RAD51B: variants seen among roughly 807,000 people sequenced by gnomAD.
RAD51B encodes DNA repair protein RAD51 homolog 2.
A neutral mutation model predicts 42.2 loss-of-function variants in RAD51B; 38 were observed. That is an observed-to-expected ratio of 0.90 (90% confidence interval 0.70 to 1.18). RAD51B has a LOEUF of 1.18. Ranked by LOEUF, RAD51B falls within the 50% of genes most tolerant of loss-of-function variation. The pLI is 0.00. For synonymous variants in RAD51B, 154 were observed against 145.2 expected, an observed-to-expected ratio of 1.06 and a Z score of -0.43; for missense variants, 373 against 400.7, an observed-to-expected ratio of 0.93 and a Z score of 0.59.
intron 9 of RAD51B, chr14:68,421,686 C>T (rs2084704420): frequency 8.9e-6 from 14 of 1,565,958 alleles, no homozygotes; most frequent in Non-Finnish European, 1.2e-5. Flanking sequence ...TAAGATAAAA[C>T]ACAAGTCAAA....
chr14:68,255,210 G>GA (rs1359825767), intron 7 of RAD51B, among the ~76,000 whole-genome samples: 1 of 151,604 alleles, frequency 6.6e-6, no homozygotes, highest in Non-Finnish European at 1.5e-5. Flanking sequence ...ACTATTTTCA[G>GA]AAAACTTTTT....
chr14:67,855,306 A>C (rs747255593), intron 4 of RAD51B, among the ~76,000 whole-genome samples: 2 of 151,624 alleles, frequency 1.3e-5, no homozygotes, highest in Non-Finnish European at 2.9e-5. Flanking sequence ...TCTCGGCTCA[A>C]TGTAAGCTCC....
At position 68,116,268 on chromosome 14, in the gene RAD51B, A is replaced by C. The variant is rs537024891; in HGVS notation, c.757-175616A>C. ...AACTGCAAGACTAACAGTAAGACCA[A>C]CATGCTTTGTGATTTTATTTGCTGA... On this transcript the variant is annotated intron_variant, in intron 7 of 10. Transcript: ENST00000471583. Among the ~76,000 whole-genome samples the C allele has an allele frequency of 2.0e-5, 3 of 151,632 alleles. No individual in the cohort carries two copies. In the East Asian group the frequency reaches 5.8e-4, roughly 29 times the overall value.
intron 7 of RAD51B, among the ~76,000 whole-genome samples, chr14:68,164,657 A>G (rs554936162): frequency 2.2e-4 from 34 of 152,292 alleles, no homozygotes; most frequent in Non-Finnish European, 4.6e-4. Flanking sequence ...TGAAGTGGGA[A>G]AACAGCTTTG....
At chr14:68,493,426 T>C (rs1257671117) in intron 10 of RAD51B, among the ~76,000 whole-genome samples, 1 of 152,074 alleles carries the variant, frequency 6.6e-6, no homozygotes, top group Admixed American at 6.5e-5. Flanking sequence ...TTCATGTAGT[T>C]AGAATTCCCC....
chr14:68,292,184 A>T (rs1273994840), intron 8 of RAD51B, among the ~76,000 whole-genome samples: 4 of 152,114 alleles, frequency 2.6e-5, no homozygotes, highest in African/African-American at 9.7e-5. Flanking sequence ...TCTATAAGGG[A>T]GCTCCATTTG....
chr14:68,598,591 G>A (rs190703577), downstream of RAD51B, among the ~76,000 whole-genome samples: 347 of 152,326 alleles, frequency 2.3e-3, 2 homozygotes, highest in African/African-American at 6.8e-3. Flanking sequence ...CACCGGGACT[G>A]TGTTGAGACC....
At chr14:68,472,121 T>A (rs532866046) in intron 10 of RAD51B, 1 of 152,338 alleles carries the variant, frequency 6.6e-6, no homozygotes, top group African/African-American at 2.4e-5. Flanking sequence ...AGTGGAGAGG[T>A]AAGAGCAGGA....
At chr14:68,593,655 G>C (rs966406584) in intron 10 of RAD51B, among the ~76,000 whole-genome samples, 1 of 152,192 alleles carries the variant, frequency 6.6e-6, no homozygotes, top group Non-Finnish European at 1.5e-5. Flanking sequence ...CTGGCTGAAA[G>C]TGGGGAATGT....
chr14:68,500,435 T>C (rs1368764257), intron 10 of RAD51B, among the ~76,000 whole-genome samples: 2 of 152,204 alleles, frequency 1.3e-5, no homozygotes, highest in Non-Finnish European at 2.9e-5. Context: ...GCCACAGTAT[T>C]ACAGAAGGCT....
intron 7 of RAD51B, among the ~76,000 whole-genome samples, chr14:68,094,041 TA>T (rs1296969507): frequency 1.3e-5 from 2 of 152,226 alleles, no homozygotes; most frequent in African/African-American, 4.8e-5. Flanking sequence ...TTTTCCAAAC[TA>T]ATGGGTGTAA....
chr14:68,092,869 G>A (rs1203714098), intron 7 of RAD51B, among the ~76,000 whole-genome samples: 5 of 151,624 alleles, frequency 3.3e-5, no homozygotes, highest in South Asian at 4.2e-4. Flanking sequence ...TTTGAGATAC[G>A]TCCCATCAAT....
chr14:68,385,095 C>T (rs529058145), intron 8 of RAD51B, among the ~76,000 whole-genome samples: 1 of 151,974 alleles, frequency 6.6e-6, no homozygotes. Flanking sequence ...TTAGTTCGGA[C>T]ACCACATTGT....
chr14:67,979,519 G>T (rs1478317324), intron 7 of RAD51B, among the ~76,000 whole-genome samples: 1 of 152,000 alleles, frequency 6.6e-6, no homozygotes, highest in African/African-American at 2.4e-5. Flanking sequence ...GTGCTACTAG[G>T]ATAATCTTTC....
chr14:67,929,707 G>A (rs1459143325), intron 7 of RAD51B, among the ~76,000 whole-genome samples: 2 of 151,900 alleles, frequency 1.3e-5, no homozygotes, highest in African/African-American at 4.8e-5. Context: ...ATTAGAGCCT[G>A]TCTTTTTCTT....
intron 7 of RAD51B, among the ~76,000 whole-genome samples, chr14:68,060,532 A>G (rs1213925552): frequency 3.9e-5 from 6 of 152,226 alleles, no homozygotes; most frequent in Non-Finnish European, 1.5e-5. Context: ...ATTTATAGGA[A>G]TAAATTACTT....
chr14:68,451,664 C>G (rs1372390643), intron 9 of RAD51B, among the ~76,000 whole-genome samples: 3 of 152,202 alleles, frequency 2.0e-5, no homozygotes, highest in African/African-American at 7.2e-5. Context: ...AGTAAGAATG[C>G]TGCGGTAACA....
chr14:68,221,693 A>C (rs1416690221), intron 7 of RAD51B, among the ~76,000 whole-genome samples: 1 of 152,262 alleles, frequency 6.6e-6, no homozygotes, highest in African/African-American at 2.4e-5. Context: ...GATGGGACTC[A>C]ATTAAACTAA....
intron 7 of RAD51B, among the ~76,000 whole-genome samples, chr14:68,270,867 G>A (rs2081091641): frequency 6.6e-6 from 1 of 151,968 alleles, no homozygotes; most frequent in African/African-American, 2.4e-5. Context: ...ATAAAGCCCA[G>A]GCCCTTGGCT....
Sources: gnomAD v4.1 joint callset for allele counts (sites outside exome capture counted in the v4.1 genomes callset) on GRCh38, gnomAD v4.1.1 for gene constraint, MANE v1.5 for transcripts, NCBI Gene and HGNC (gene_info 2026-07-23, HGNC 2026-07-21) for gene names.